Variants in MYO18B observed in about 807,000 individuals in gnomAD.
MYO18B encodes the protein unconventional myosin-XVIIIb.
In MYO18B, 204 loss-of-function variants were observed where a neutral mutation model predicts 273.0. The ratio of observed to expected loss-of-function variants is 0.75; its 90% CI spans 0.67 to 0.84. MYO18B has a LOEUF of 0.84. MYO18B is among the 40% of genes least tolerant of loss of function. The probability of loss-of-function intolerance (pLI) is 0.00; values close to 1 mark genes in which losing one functional copy is unlikely to be tolerated. For missense variants in MYO18B, 3,212 were observed against 3,287.6 expected (o/e 0.98, Z 0.56); for synonymous variants, 1,330 against 1,305.7 (o/e 1.02, Z -0.40).
At chr22:25,917,037 C>CA (rs2092271526) in intron 33 of MYO18B, among the ~76,000 whole-genome samples, 1 of 151,820 alleles carries the variant, frequency 6.6e-6, no homozygotes, top group South Asian at 2.1e-4. Context: ...GTCTCAAAAA[C>CA]AAAAAACAAA....
At chr22:25,849,888 C>T (rs2090372957) in intron 20 of MYO18B, among the ~76,000 whole-genome samples, 2 of 152,350 alleles carry the variant, frequency 1.3e-5, no homozygotes, top group South Asian at 4.1e-4. Flanking sequence ...ATTGTCATCG[C>T]ATTTAATCCT....
intron 6 of MYO18B, 87 bp from the exon 7 acceptor site, chr22:25,772,247 T>G: frequency 8.4e-6 from 10 of 1,188,922 alleles, no homozygotes; most frequent in South Asian, 1.5e-5. Context: ...GAGGGCTTAG[T>G]GTGTGTTTGG....
chr22:25,860,247 G>A (rs1299065953), intron 21 of MYO18B, among the ~76,000 whole-genome samples: 1 of 152,150 alleles, frequency 6.6e-6, no homozygotes, highest in Non-Finnish European at 1.5e-5. Context: ...CTTGGTCAGT[G>A]TAAATAAACT....
chr22:25,914,307 A>G (rs1171810226), intron 33 of MYO18B, among the ~76,000 whole-genome samples: 1 of 152,174 alleles, frequency 6.6e-6, no homozygotes. Flanking sequence ...TTGGAATTGC[A>G]TTGATTTACA....
At chr22:25,920,384 T>C (rs2092323290) in intron 33 of MYO18B, among the ~76,000 whole-genome samples, 1 of 152,196 alleles carries the variant, frequency 6.6e-6, no homozygotes, top group Non-Finnish European at 1.5e-5. Flanking sequence ...CGAAATTTCA[T>C]GTAGGGCCCT....
rs16981164 is a variant in MYO18B at position 25,993,768 on chromosome 22, T to A, written c.6287+1275T>A. The stretch of plus-strand genomic sequence containing the variant: ...CAAAGGAAGCAGAGAGGGTTACAAA[T>A]CAGCTCTGGTTTAGCCAGAAGGAAG... On this transcript the variant is annotated intron_variant, in intron 40 of 43. Transcript: ENST00000335473. Among the ~76,000 whole-genome samples the A allele has an allele frequency of 5.0e-3, 768 of 152,248 alleles. 4 individuals are homozygous for A. Among genetic ancestry groups the A allele is most frequent in the African/African-American group, 0.017 (713 of 41,532 alleles).
At chr22:25,902,761 A>G (rs371699708) in intron 30 of MYO18B, 25 bp downstream of exon 30, 675 of 1,561,618 alleles carry the variant, frequency 4.3e-4, no homozygotes, top group Non-Finnish European at 5.3e-4. Flanking sequence ...ACACAGAGCT[A>G]TCTTGGCTCT....
intron 16 of MYO18B, among the ~76,000 whole-genome samples, chr22:25,835,077 A>C (rs2089848466): frequency 1.3e-5 from 2 of 152,232 alleles, no homozygotes; most frequent in Non-Finnish European, 2.9e-5. Flanking sequence ...ACAGGAGGTG[A>C]GCACAGAGGC....
rs2091192369 is a variant in MYO18B at position 25,876,208 on chromosome 22, A to G, written c.4100A>G (p.Gln1367Arg). ...KKLKIRRLAA[Q>R]CIQKNVAVFL... Reference sequence around the variant, plus strand: ...CTGCAGATTCGCCGACTGGCTGCACAGTGCATCCAGAAGAATGTGGCTGTG... The same window carrying G: ...CTGCAGATTCGCCGACTGGCTGCACGGTGCATCCAGAAGAATGTGGCTGTG... Residue 1367 changes from glutamine (Q) to arginine (R), a missense_variant, in exon 24 of 44, where the codon CAG (glutamine) becomes CGG (arginine). Physicochemically the swap from Gln to Arg is conservative, Grantham distance 43. Coordinates refer to ENST00000335473, the MANE Select transcript of MYO18B (RefSeq NM_032608.7). The G allele has an allele frequency of 6.2e-7, 1 of 1,612,610 alleles. No individual in the cohort carries two copies. Among genetic ancestry groups the G allele is most frequent in the Non-Finnish European group, 8.5e-7 (1 of 1,179,380 alleles).
chr22:25,981,650 C>T (rs553198051), intron 39 of MYO18B, among the ~76,000 whole-genome samples: 1 of 152,280 alleles, frequency 6.6e-6, no homozygotes, highest in East Asian at 1.9e-4. Context: ...GAGGCTGAGG[C>T]AGGAGGATCA....
chr22:25,919,030 C>A (rs1229252964), intron 33 of MYO18B, among the ~76,000 whole-genome samples: 1 of 152,184 alleles, frequency 6.6e-6, no homozygotes, highest in African/African-American at 2.4e-5. Flanking sequence ...TAACCTCTTT[C>A]ACTTTGTAAC....
chr22:25,767,770 G>A (rs1289889551), intron 3 of MYO18B, among the ~76,000 whole-genome samples: 5 of 152,150 alleles, frequency 3.3e-5, no homozygotes, highest in South Asian at 2.1e-4. Context: ...TACCCTGCAA[G>A]GTAGGCTTTT....
chr22:26,020,381 C>T (rs1273671181), intron 42 of MYO18B, among the ~76,000 whole-genome samples: 5 of 152,028 alleles, frequency 3.3e-5, no homozygotes, highest in East Asian at 3.9e-4. Context: ...GACACTAGCT[C>T]GTTCTGAGGC....
chr22:26,040,967 G>A, the MYO18B span, among the ~76,000 whole-genome samples: 9 of 152,164 alleles, frequency 5.9e-5, no homozygotes, highest in Non-Finnish European at 1.2e-4. Flanking sequence ...GAGCTCTTGG[G>A]ACACAGAACT....
chr22:26,006,873 G>A (rs2027882), intron 42 of MYO18B, among the ~76,000 whole-genome samples: 49,507 of 151,932 alleles, frequency 0.33, 8,901 homozygotes, highest in African/African-American at 0.47. Flanking sequence ...GAGGAATCCC[G>A]GGAGATAGAC....
At chr22:25,906,195 C>T (rs562063339) in intron 31 of MYO18B, among the ~76,000 whole-genome samples, 13 of 152,274 alleles carry the variant, frequency 8.5e-5, no homozygotes, top group African/African-American at 2.9e-4. Flanking sequence ...TATAATACAA[C>T]ACTTTTTCCA....
Position 25,761,063 on chromosome 22 carries a change from A to G in MYO18B, c.-30A>G, listed in dbSNP as rs61736706. On this transcript the variant is annotated 5_prime_UTR_variant, in exon 2 of 44. Coordinates refer to ENST00000335473, the MANE Select transcript of MYO18B (RefSeq NM_032608.7). ...CTGGCAGGAAGCTCCATCTCATCTC[A>G]TCATCTCACGGCCCTGGCACTGCCT... 5.1e-4 allele frequency: 817 copies of G among 1,612,654 alleles called. 5 individuals are homozygous for G. In the African/African-American group the frequency reaches 9.9e-3, roughly 20 times the overall value.
chr22:25,801,438 G>A (rs1569039101), intron 12 of MYO18B, among the ~76,000 whole-genome samples: 1 of 152,160 alleles, frequency 6.6e-6, no homozygotes, highest in Non-Finnish European at 1.5e-5. Flanking sequence ...TATGAATCCT[G>A]GCTCAGCCTC....
intron 33 of MYO18B, among the ~76,000 whole-genome samples, chr22:25,917,630 T>C (rs1298822465): frequency 6.6e-6 from 1 of 151,868 alleles, no homozygotes; most frequent in Non-Finnish European, 1.5e-5. Context: ...TTTAATGCAA[T>C]ATTTTAGTCT....
Sources: gnomAD v4.1 joint callset for allele counts (sites outside exome capture counted in the v4.1 genomes callset) on GRCh38, gnomAD v4.1.1 for gene constraint, MANE v1.5 for transcripts, NCBI Gene and HGNC (gene_info 2026-07-23, HGNC 2026-07-21) for gene names.